RELN: variants seen among roughly 807,000 people sequenced by gnomAD.
RELN encodes reelin.
RELN carries 108 observed loss-of-function variants against 427.6 expected under a neutral mutation model. The observed-to-expected ratio is 0.25, with a 90% CI of 0.22 to 0.30. The LOEUF (loss-of-function observed/expected upper bound fraction) is 0.30. Ranked by LOEUF, RELN falls within the 10% of genes least tolerant of loss-of-function variation. The pLI, the probability that RELN is intolerant of heterozygous loss-of-function variation, is 1.00. For missense variants in RELN, 3,715 were observed against 4,302.8 expected (o/e 0.86, Z 3.82); for synonymous variants, 1,524 against 1,513.4 (o/e 1.01, Z -0.16).
At chr7:103,767,556 G>T (rs1791456528) in intron 4 of RELN, among the ~76,000 whole-genome samples, 2 of 152,092 alleles carry the variant, frequency 1.3e-5, no homozygotes, top group Non-Finnish European at 2.9e-5. Context: ...TTTTCAATAG[G>T]ACTCATGTGG....
intron 58 of RELN, among the ~76,000 whole-genome samples, chr7:103,491,337 AAG>A (rs370990788): frequency 6.6e-6 from 1 of 152,220 alleles, no homozygotes; most frequent in South Asian, 2.1e-4. Context: ...TAACATGAAT[AAG>A]AGAGTTCTAC....
In RELN at chr7:103,485,368, A is replaced by G. The variant is rs140556509; in HGVS notation, c.9983+829T>C. On this transcript the variant is annotated intron_variant, in intron 61 of 64. Coordinates refer to ENST00000428762, the MANE Select transcript of RELN (RefSeq NM_005045.4). ...GCCTTTCCGCTTGTGAAAATACAAC[A>G]CTAATATTATATTTTCCAAAGTGAA... 6.6e-3 allele frequency among the ~76,000 whole-genome samples: 1,008 copies of G among 152,202 alleles called. 9 individuals carry two copies. The highest frequency in any genetic ancestry group is 0.022 in the African/African-American group (928 of 41,532).
chr7:103,716,982 C>G (rs1789953944), intron 8 of RELN, among the ~76,000 whole-genome samples: 1 of 152,006 alleles, frequency 6.6e-6, no homozygotes, highest in Non-Finnish European at 1.5e-5. Context: ...TACAGTCCCC[C>G]CAAAATGTTA....
At position 103,615,325 on chromosome 7, in the gene RELN, G is replaced by A. The variant is rs186168454; in HGVS notation, c.2703-3522C>T. ...AATGGATAAGAGCTTAGTAGAATTT[G>A]AGTCTCCACAGTTCTCTGCTTAGTC... On this transcript the variant is annotated intron_variant, in intron 20 of 64. Transcript: ENST00000428762. 1.1e-3 allele frequency among the ~76,000 whole-genome samples: 168 copies of A among 152,254 alleles called. 1 individual carries two copies. The highest frequency in any genetic ancestry group is 6.8e-3 in the Middle Eastern group (2 of 294).
At chr7:103,580,308 C>G (rs550813381) in intron 28 of RELN, among the ~76,000 whole-genome samples, 8 of 152,316 alleles carry the variant, frequency 5.3e-5, no homozygotes, top group South Asian at 2.1e-4. Context: ...AACATATTTA[C>G]TGTTCTTCAG....
intron 50 of RELN, among the ~76,000 whole-genome samples, chr7:103,511,556 CTG>C (rs534409064): frequency 1.8e-3 from 281 of 152,156 alleles, no homozygotes; most frequent in African/African-American, 6.2e-3. Flanking sequence ...CAAGATATAA[CTG>C]ATATACAAAA....
Position 103,976,998 on chromosome 7 carries a change from C to T in RELN, c.226+12133G>A, listed in dbSNP as rs182385488. Among the ~76,000 whole-genome samples, 291 of 151,918 alleles carry T rather than the reference C, an allele frequency of 1.9e-3. 1 individual carries two copies. The highest frequency in any genetic ancestry group is 4.5e-3 in the Admixed American group (68 of 15,256). The stretch of plus-strand genomic sequence containing the variant: ...AGCCCAAGAGGCTTTGATATTCCCT[C>T]GCAGGTTGTTAAGTGTAAGATCTCT... On this transcript the variant is annotated intron_variant, in intron 1 of 64. Coordinates refer to ENST00000428762, the MANE Select transcript of RELN (RefSeq NM_005045.4).
intron 64 of RELN, among the ~76,000 whole-genome samples, chr7:103,473,438 A>T (rs1373908132): frequency 2.0e-5 from 3 of 152,196 alleles, no homozygotes; most frequent in African/African-American, 7.2e-5. Context: ...CAAAATAAGG[A>T]GGTCAGTTTT....
At chr7:103,557,722 T>C (rs1830556571) in intron 37 of RELN, among the ~76,000 whole-genome samples, 1 of 152,200 alleles carries the variant, frequency 6.6e-6, no homozygotes, top group Admixed American at 6.5e-5. Context: ...ATGATAAATT[T>C]AACTACCATA....
chr7:103,783,981 C>T (rs184804267), intron 3 of RELN, among the ~76,000 whole-genome samples: 414 of 148,316 alleles, frequency 2.8e-3, no homozygotes, highest in Non-Finnish European at 4.6e-3. Context: ...TATGTAACAG[C>T]AAAGAGAAGG....
chr7:103,656,965 G>A (rs931185502), intron 12 of RELN, among the ~76,000 whole-genome samples: 5 of 152,164 alleles, frequency 3.3e-5, no homozygotes, highest in African/African-American at 7.2e-5. Context: ...AGTAAAGCAT[G>A]TCTTTAATGT....
chr7:103,492,009 T>A lies in RELN; in HGVS notation c.9387A>T (p.Glu3129Asp), dbSNP rs1374740435. 6.2e-7 allele frequency: 1 copy of A among 1,613,310 alleles called. No individual in the cohort carries two copies. The highest frequency in any genetic ancestry group is 1.7e-5 in the Admixed American group (1 of 59,966). Reference sequence around the variant, plus strand: ...AATGAAGGTCACCACAAGAAGTGGCTTCACAACCCACCACAATCTAAAACA... The same window carrying A: ...AATGAAGGTCACCACAAGAAGTGGCATCACAACCCACCACAATCTAAAACA... ...MMQFKIVVGC[E>D]ATSCGDLHSV... The change falls in exon 58 of 65, where the codon GAA (glutamate) becomes GAT (aspartate). Residue 3129 changes from glutamate (E) to aspartate (D), a missense_variant. Glu to Asp is a conservative substitution (Grantham distance 45, BLOSUM62 2). Around this residue, in one of 4 missense-constraint regions of RELN, gnomAD observed 1,310 missense variants for 1,643.0 expected, o/e 0.80. Transcript: ENST00000428762.
At chr7:103,870,540 T>A (rs1258221950) in intron 2 of RELN, among the ~76,000 whole-genome samples, 1 of 152,066 alleles carries the variant, frequency 6.6e-6, no homozygotes, top group Non-Finnish European at 1.5e-5. Flanking sequence ...AGGATCTCTA[T>A]CAAGTACTGG....
At chr7:103,914,311 ATGACAGTTTGTCAGTTCTGACAAAC>A (rs1795434694) in intron 2 of RELN, among the ~76,000 whole-genome samples, 1 of 152,114 alleles carries the variant, frequency 6.6e-6, no homozygotes, top group African/African-American at 2.4e-5. Context: ...GAACTGACAA[ATGACAGTTTGTCAGTTCTGACAAAC>A]TGACAAACCA....
chr7:103,738,671 CCTTTTTT>C (rs1790558371), intron 6 of RELN, among the ~76,000 whole-genome samples: 1 of 128,180 alleles, frequency 7.8e-6, no homozygotes, highest in Non-Finnish European at 1.6e-5. Context: ...TTCCTTCCTT[CCTTTTTT>C]TTTTTTTTTT....
intron 64 of RELN, among the ~76,000 whole-genome samples, chr7:103,476,468 G>A (rs1421056620): frequency 6.6e-6 from 1 of 152,102 alleles, no homozygotes; most frequent in Non-Finnish European, 1.5e-5. Context: ...GCGACACGGT[G>A]AGACTCTGTC....
chr7:103,565,542 C>A lies in RELN; in HGVS notation c.4946G>T (p.Arg1649Leu), dbSNP rs748067380. 2 of 1,604,278 alleles carry A rather than the reference C, an allele frequency of 1.2e-6. No individual in the cohort carries two copies. The highest frequency in any genetic ancestry group is 2.2e-5 in the East Asian group (1 of 44,776). ...LIFTENIGKP[R>L]YAETWDFHVS... Reference sequence around the variant, plus strand: ...ATGAAAATCCCAGGTCTCAGCATAACGAGGTTTTCCTGAAAAAAAAAAATG... The same window carrying A: ...ATGAAAATCCCAGGTCTCAGCATAAAGAGGTTTTCCTGAAAAAAAAAAATG... The change falls in exon 34 of 65, where the codon CGT (arginine) becomes CTT (leucine). Residue 1649 changes from arginine to leucine, a missense_variant. Arg to Leu is a moderately radical substitution (Grantham distance 102, BLOSUM62 -2). Coordinates refer to ENST00000428762, the MANE Select transcript of RELN (RefSeq NM_005045.4).
At chr7:103,745,814 T>C (rs563145877) in intron 6 of RELN, among the ~76,000 whole-genome samples, 6 of 152,038 alleles carry the variant, frequency 3.9e-5, no homozygotes, top group Admixed American at 6.6e-5. Context: ...GTAGAAAGAA[T>C]CAATATCGTG....
chr7:103,635,680 C>A, intron 18 of RELN, 94 bp from the exon 19 acceptor site: 1 of 1,012,722 alleles, frequency 9.9e-7, no homozygotes. Flanking sequence ...TATGTTTCTA[C>A]TCACCCCTCT....
Sources: gnomAD v4.1 joint callset for allele counts (sites outside exome capture counted in the v4.1 genomes callset) on GRCh38, gnomAD v4.1.1 for gene constraint, gnomAD v4.1.1 regional missense constraint, MANE v1.5 for transcripts, NCBI Gene and HGNC (gene_info 2026-07-23, HGNC 2026-07-21) for gene names.